Variants in FAM117B observed in about 807,000 individuals in gnomAD.
The protein encoded by FAM117B is family with sequence similarity 117 member B.
Under a neutral mutation model 52.8 loss-of-function variants are expected in FAM117B, and 22 were observed. That is an observed-to-expected ratio of 0.42 (90% confidence interval 0.30 to 0.59). The LOEUF is 0.59. FAM117B is among the 20% of genes least tolerant of loss of function. FAM117B has a pLI of 0.22. For synonymous variants in FAM117B, 309 were observed against 324.1 expected (o/e 0.95, Z 0.50); for missense variants, 678 against 802.6 (o/e 0.84, Z 1.88).
chr2:202,679,965 G>A lies in FAM117B; in HGVS notation c.602-15916G>A, dbSNP rs1299664643. On this transcript the variant is annotated intron_variant, in intron 1 of 7. Coordinates refer to ENST00000392238, the MANE Select transcript of FAM117B (RefSeq NM_173511.4). ...TATAAATATGTTCAGTATGCTCAGA[G>A]ATTTAAAGGAAAACATGAATGTAAT... 2.0e-5 allele frequency among the ~76,000 whole-genome samples: 3 copies of A among 152,062 alleles called. No homozygotes were observed. The East Asian group carries it at 5.8e-4, about 29-fold the overall frequency.
intron 1 of FAM117B, among the ~76,000 whole-genome samples, chr2:202,671,595 C>T (rs868373458): frequency 6.6e-6 from 1 of 152,214 alleles, no homozygotes; most frequent in Non-Finnish European, 1.5e-5. Flanking sequence ...GTGTTCTCCA[C>T]ACTGGCTGTG....
chr2:202,767,267 TCTC>T lies in FAM117B; in HGVS notation c.*1506_*1508del. Reference sequence around the variant, plus strand: ...CCTCTGTCTCCCAGGTTCAAGCAGTTCTCCTGCCTCAGCCTCCCAAGTAGCTGG... The same window carrying T: ...CCTCTGTCTCCCAGGTTCAAGCAGTTCTGCCTCAGCCTCCCAAGTAGCTGG... On this transcript the variant is annotated 3_prime_UTR_variant, in exon 8 of 8. Transcript: ENST00000392238. The T allele has an allele frequency of 6.6e-6, 1 of 151,740 alleles. No individual in the cohort carries two copies. The highest frequency in any genetic ancestry group is 2.1e-4 in the South Asian group (1 of 4,768). 9.4% of individuals were successfully genotyped at this position (151,740 alleles called of 1,614,324 possible). A position where few individuals can be genotyped will look rare whatever the true frequency, so the allele number is the denominator to read the frequency against.
chr2:202,687,617 C>T lies in FAM117B; in HGVS notation c.602-8264C>T, dbSNP rs182485128. Among the ~76,000 whole-genome samples the T allele has an allele frequency of 7.2e-5, 11 of 152,228 alleles. No individual in the cohort carries two copies. In the East Asian group the frequency reaches 2.1e-3, roughly 29 times the overall value. On this transcript the variant is annotated intron_variant, in intron 1 of 7. Transcript: ENST00000392238. ...TAGAGATGGGGGTCTTACTGTGTTG[C>T]CCAGATTTGTCTCAAACTCCTAGCC...
chr2:202,725,755 A>G (rs1377886759), intron 3 of FAM117B, among the ~76,000 whole-genome samples: 1 of 152,248 alleles, frequency 6.6e-6, no homozygotes, highest in Non-Finnish European at 1.5e-5. Flanking sequence ...CACATAATGT[A>G]GAAATGCAAA....
intron 4 of FAM117B, among the ~76,000 whole-genome samples, chr2:202,740,983 A>G (rs1198540195): frequency 6.6e-6 from 1 of 151,842 alleles, no homozygotes; most frequent in Non-Finnish European, 1.5e-5. Context: ...TTAAGATCCC[A>G]TGCTATTTAA....
rs1431573578 is a variant in FAM117B, at chr2:202,655,749, A to T, written c.601+19961A>T. ...GAGAGAGAGAGAGAGAGAGAGAGAG[A>T]GAGAGAGAGAGAGTGTGTGTGTGTG... On this transcript the variant is annotated intron_variant, in intron 1 of 7. Transcript: ENST00000392238. Among the ~76,000 whole-genome samples, 607 of 133,604 alleles carry T rather than the reference A, an allele frequency of 4.5e-3. 4 individuals are homozygous for T. The highest frequency in any genetic ancestry group is 0.022 in the African/African-American group (579 of 26,482). 87.6% of individuals were successfully genotyped at this position (133,604 alleles called of 152,430 possible).
intron 1 of FAM117B, among the ~76,000 whole-genome samples, chr2:202,661,563 T>C (rs1160462943): frequency 6.6e-6 from 1 of 152,160 alleles, no homozygotes; most frequent in South Asian, 2.1e-4. Flanking sequence ...TGTATAAACC[T>C]GGGCCTTTAC....
chr2:202,696,166 C>T (rs551833406), intron 2 of FAM117B, 134 bp downstream of exon 2: 2 of 1,001,072 alleles, frequency 2.0e-6, no homozygotes, highest in African/African-American at 1.6e-5. Context: ...CCAAAAAGAG[C>T]AGATTCCAAG....
chr2:202,692,057 A>G (rs185415799), intron 1 of FAM117B, among the ~76,000 whole-genome samples: 2 of 152,246 alleles, frequency 1.3e-5, no homozygotes, highest in African/African-American at 4.8e-5. Context: ...TAACTATTGT[A>G]TTAGTGGAAT....
chr2:202,746,288 C>A (rs1257936034), intron 4 of FAM117B, among the ~76,000 whole-genome samples: 2 of 151,858 alleles, frequency 1.3e-5, no homozygotes, highest in Non-Finnish European at 2.9e-5. Context: ...CAGACTAGAA[C>A]TAGGAATCAG....
At chr2:202,743,875 T>C (rs533378595) in intron 4 of FAM117B, among the ~76,000 whole-genome samples, 4 of 152,150 alleles carry the variant, frequency 2.6e-5, no homozygotes, top group African/African-American at 4.8e-5. Flanking sequence ...CTGTGACATA[T>C]AGGAAGCAAC....
chr2:202,761,949 T>G (rs1259897602), intron 7 of FAM117B, among the ~76,000 whole-genome samples: 1 of 152,182 alleles, frequency 6.6e-6, no homozygotes, highest in East Asian at 1.9e-4. Flanking sequence ...TATTAATATT[T>G]TAATCACGTT....
intron 1 of FAM117B, among the ~76,000 whole-genome samples, chr2:202,689,787 G>A (rs2105773950): frequency 6.6e-6 from 1 of 152,046 alleles, no homozygotes; most frequent in Admixed American, 6.6e-5. Context: ...GTGTAGTGGT[G>A]CGTGCCTGTG....
At chr2:202,662,478 G>A (rs1345011630) in intron 1 of FAM117B, among the ~76,000 whole-genome samples, 1 of 152,134 alleles carries the variant, frequency 6.6e-6, no homozygotes, top group Non-Finnish European at 1.5e-5. Flanking sequence ...TTGCACAGTA[G>A]GGTGACTATA....
intron 1 of FAM117B, among the ~76,000 whole-genome samples, chr2:202,688,204 G>A (rs950976577): frequency 6.6e-6 from 1 of 152,088 alleles, no homozygotes; most frequent in Non-Finnish European, 1.5e-5. Flanking sequence ...ATACTTAGAT[G>A]TAGAATCACT....
chr2:202,718,016 T>C (rs1310188793), intron 2 of FAM117B, among the ~76,000 whole-genome samples: 1 of 152,182 alleles, frequency 6.6e-6, no homozygotes, highest in Non-Finnish European at 1.5e-5. Flanking sequence ...CTTCCCACTC[T>C]TTCCTCCCTT....
intron 1 of FAM117B, among the ~76,000 whole-genome samples, chr2:202,683,479 TGAAAAA>T (rs1235426042): frequency 6.6e-6 from 1 of 152,090 alleles, no homozygotes; most frequent in African/African-American, 2.4e-5. Context: ...ATATCAGGAA[TGAAAAA>T]GTAGATGTTA....
At position 202,757,322 on chromosome 2, in the gene FAM117B, A is replaced by G. The variant is rs559220364; in HGVS notation, c.1214A>G (p.Asn405Ser). 2 of 1,614,124 alleles carry G rather than the reference A, an allele frequency of 1.2e-6. No homozygotes were observed. The highest frequency in any genetic ancestry group is 3.3e-5 in the Admixed American group (2 of 60,010). ...CCTGGTGGGGCAGACAGGGGAAGCA[A>G]CAACAGCAGCCGTTCCCAGTCCGTG... Reference protein sequence around the residue: ...QTPGGADRGSNNSSRSQSVSP... With the variant: ...QTPGGADRGSSNSSRSQSVSP... Residue 405 changes from asparagine (N) to serine (S), a missense_variant, in exon 6 of 8, where the codon AAC becomes AGC. This residue lies in a region of FAM117B where 583 missense variants were observed against 644.8 expected (regional missense o/e 0.90). Transcript: ENST00000392238.
intron 2 of FAM117B, among the ~76,000 whole-genome samples, 159 bp downstream of exon 2, chr2:202,696,191 A>G (rs537984013): frequency 3.3e-5 from 5 of 152,358 alleles, no homozygotes; most frequent in Non-Finnish European, 5.9e-5. Flanking sequence ...ACCTCCAGGT[A>G]TTCTGTAGTC....
Sources: gnomAD v4.1 joint callset for allele counts (sites outside exome capture counted in the v4.1 genomes callset) on GRCh38, gnomAD v4.1.1 for gene constraint, gnomAD v4.1.1 regional missense constraint, MANE v1.5 for transcripts, NCBI Gene and HGNC (gene_info 2026-07-23, HGNC 2026-07-21) for gene names.